The following ZBBX variants were observed in gnomAD, a reference collection of about 807,000 sequenced individuals.
ZBBX encodes the protein zinc finger B-box domain containing.
In ZBBX, 101 loss-of-function variants were observed where a neutral mutation model predicts 108.5. That is an observed-to-expected ratio of 0.93 (90% CI 0.79 to 1.10). The LOEUF (loss-of-function observed/expected upper bound fraction) is 1.10. ZBBX is among the 50% of genes least tolerant of loss of function. The probability of loss-of-function intolerance (pLI) is 0.00; values close to 1 mark genes in which losing one functional copy is unlikely to be tolerated. For synonymous variants in ZBBX, 356 were observed against 323.4 expected (o/e 1.10, Z -1.08); for missense variants, 1,009 against 941.4 (o/e 1.07, Z -0.94).
intron 9 of ZBBX, among the ~76,000 whole-genome samples, chr3:167,344,309 A>G (rs1304802662): frequency 1.3e-5 from 2 of 151,882 alleles, no homozygotes; most frequent in South Asian, 2.1e-4. Flanking sequence ...ACTTAGCAGT[A>G]ACCATACTAA....
At chr3:167,384,001 G>T (rs1747826902), upstream of ZBBX, among the ~76,000 whole-genome samples, 1 of 152,050 alleles carries the variant, frequency 6.6e-6, no homozygotes, top group East Asian at 1.9e-4. Flanking sequence ...GAAAAGTTGT[G>T]CTAGGAGCAC....
upstream of ZBBX, among the ~76,000 whole-genome samples, chr3:167,384,252 G>A (rs1366252513): frequency 6.6e-6 from 1 of 152,062 alleles, no homozygotes; most frequent in Non-Finnish European, 1.5e-5. Context: ...GAAATAATAA[G>A]TCTTGAATAA....
chr3:167,290,338 C>A (rs1394975788), intron 18 of ZBBX, among the ~76,000 whole-genome samples: 1 of 152,178 alleles, frequency 6.6e-6, no homozygotes, highest in Non-Finnish European at 1.5e-5. Flanking sequence ...CTCACTGGGA[C>A]AAAGCTTCCA....
chr3:167,220,382 T>C, the ZBBX span, among the ~76,000 whole-genome samples: 1 of 151,952 alleles, frequency 6.6e-6, no homozygotes, highest in Admixed American at 6.6e-5. Flanking sequence ...AAAAGATCAT[T>C]TTTCAAGACT....
chr3:167,368,639 A>G, intron 4 of ZBBX, 65 bp from the exon 5 acceptor site: 1 of 1,389,126 alleles, frequency 7.2e-7, no homozygotes, highest in Non-Finnish European at 9.5e-7. Flanking sequence ...ATTTTATATA[A>G]TCTTTTCCTG....
intron 1 of ZBBX, among the ~76,000 whole-genome samples, chr3:167,390,645 TTGTGTCC>T (rs1344513387): frequency 1.3e-5 from 2 of 152,068 alleles, no homozygotes; most frequent in African/African-American, 4.8e-5. Context: ...TTTCCATTTG[TTGTGTCC>T]TCTCTTATTT....
At chr3:167,276,858 C>T (rs1386744670) in intron 20 of ZBBX, among the ~76,000 whole-genome samples, 2 of 151,976 alleles carry the variant, frequency 1.3e-5, no homozygotes, top group Non-Finnish European at 2.9e-5. Flanking sequence ...GGTCGGGTTA[C>T]CCTCAAAGGG....
intron 1 of ZBBX, among the ~76,000 whole-genome samples, chr3:167,396,619 A>G (rs1748242159): frequency 6.6e-6 from 1 of 152,122 alleles, no homozygotes; most frequent in Admixed American, 6.6e-5. Flanking sequence ...GGCATGTGAA[A>G]AACGTTTATG....
At chr3:167,330,549 G>A (rs1738252808) in intron 10 of ZBBX, among the ~76,000 whole-genome samples, 1 of 151,984 alleles carries the variant, frequency 6.6e-6, no homozygotes, top group South Asian at 2.1e-4. Flanking sequence ...GAGGTTAAAT[G>A]AGATTATGAA....
the ZBBX span, among the ~76,000 whole-genome samples, chr3:167,183,542 G>A: frequency 6.6e-6 from 1 of 152,230 alleles, no homozygotes; most frequent in Non-Finnish European, 1.5e-5. Context: ...TCAGAGCTGA[G>A]AGCCACAAAC....
chr3:167,345,695 A>G (rs1741323392), intron 9 of ZBBX, among the ~76,000 whole-genome samples: 1 of 151,790 alleles, frequency 6.6e-6, no homozygotes, highest in Admixed American at 6.6e-5. Flanking sequence ...GACTTTCTTC[A>G]CATAACTAGA....
chr3:167,205,179 C>G, the ZBBX span, among the ~76,000 whole-genome samples: 3 of 152,134 alleles, frequency 2.0e-5, no homozygotes, highest in East Asian at 5.8e-4. Context: ...CTCATTAAAA[C>G]CGTGAACTTT....
chr3:167,210,419 C>T, the ZBBX span, among the ~76,000 whole-genome samples: 1 of 152,058 alleles, frequency 6.6e-6, no homozygotes, highest in African/African-American at 2.4e-5. Flanking sequence ...CTAGAAAACA[C>T]TCTTAAAAGG....
At chr3:167,249,560 T>G (rs541869676) in intron 20 of ZBBX, among the ~76,000 whole-genome samples, 1 of 152,300 alleles carries the variant, frequency 6.6e-6, no homozygotes, top group African/African-American at 2.4e-5. Context: ...AAATGCCCAG[T>G]AAATTTGGGC....
chr3:167,179,744 T>A, the ZBBX span, among the ~76,000 whole-genome samples: 1 of 152,202 alleles, frequency 6.6e-6, no homozygotes, highest in Non-Finnish European at 1.5e-5. Context: ...ATAAGAAGTT[T>A]TACCATTACT....
chr3:167,352,773 T>C (rs1742890950), intron 8 of ZBBX, among the ~76,000 whole-genome samples: 1 of 150,418 alleles, frequency 6.6e-6, no homozygotes, highest in Non-Finnish European at 1.5e-5. Context: ...AAAAAGATAC[T>C]ACTCCATAAT....
intron 20 of ZBBX, among the ~76,000 whole-genome samples, chr3:167,277,641 T>A (rs1560060969): frequency 2.0e-5 from 3 of 151,884 alleles, no homozygotes; most frequent in African/African-American, 4.8e-5. Flanking sequence ...CTCCCACACA[T>A]TAATAATGGG....
chr3:167,321,527 C>A (rs150709482), intron 12 of ZBBX, among the ~76,000 whole-genome samples: 46 of 151,988 alleles, frequency 3.0e-4, no homozygotes, highest in African/African-American at 1.0e-3. Context: ...CAACAACTTG[C>A]ACCTCAAAAA....
chr3:167,222,347 T>C, the ZBBX span, among the ~76,000 whole-genome samples: 1 of 151,730 alleles, frequency 6.6e-6, no homozygotes, highest in Non-Finnish European at 1.5e-5. Flanking sequence ...ATTTATGAGA[T>C]CTAAAAATCA....
Sources: allele counts gnomAD v4.1 joint callset (sites outside exome capture counted in the v4.1 genomes callset), GRCh38; gene constraint gnomAD v4.1.1; transcripts MANE v1.5; gene names NCBI Gene and HGNC (gene_info 2026-07-23, HGNC 2026-07-21).